The following CBL variants were observed in gnomAD, a reference collection of about 807,000 sequenced individuals.
CBL encodes Cbl proto-oncogene.
A neutral mutation model predicts 96.9 loss-of-function variants in CBL; 45 were observed. That is an observed-to-expected ratio of 0.46 (90% CI 0.37 to 0.60). The LOEUF (loss-of-function observed/expected upper bound fraction) is 0.60, where lower values mean the gene tolerates loss of function less well. Among genes scored for constraint, CBL ranks in the 20% least tolerant of loss-of-function variants. The pLI is 0.00. For missense variants in CBL, 1,024 were observed against 1,143.5 expected (o/e 0.90, Z 1.51); for synonymous variants, 420 against 426.8 (o/e 0.98, Z 0.20).
intron 2 of CBL, among the ~76,000 whole-genome samples, chr11:119,237,929 T>C (rs564010989): frequency 3.9e-5 from 6 of 152,096 alleles, no homozygotes; most frequent in Non-Finnish European, 7.4e-5. Flanking sequence ...TGGAGTGCAG[T>C]GGCGCCATCT....
chr11:119,269,401 A>G (rs1046600266), intron 2 of CBL, among the ~76,000 whole-genome samples: 1 of 152,032 alleles, frequency 6.6e-6, no homozygotes, highest in African/African-American at 2.4e-5. Context: ...TTGTATTTTT[A>G]GTAGAAATGG....
At chr11:119,281,468 C>T (rs569330193) in intron 9 of CBL, among the ~76,000 whole-genome samples, 3 of 149,720 alleles carry the variant, frequency 2.0e-5, no homozygotes, top group Middle Eastern at 3.5e-3. Context: ...CTTTTCAGCG[C>T]TTCCTTTCCC....
intron 1 of CBL, among the ~76,000 whole-genome samples, chr11:119,210,603 A>ATTTT (rs768564444): frequency 2.6e-4 from 26 of 98,634 alleles, no homozygotes; most frequent in African/African-American, 4.3e-4. Flanking sequence ...TAATTTTTCA[A>ATTTT]TTTTTTTTTT....
At chr11:119,264,422 TCTTCTCTTCTCTTCTCTTCTTTCTC>T (rs1225950295) in intron 2 of CBL, among the ~76,000 whole-genome samples, 10 of 123,764 alleles carry the variant, frequency 8.1e-5, no homozygotes, top group African/African-American at 3.2e-4. Context: ...TCTTCTCTTC[TCTTCTCTTCTCTTCTCTTCTTTCTC>T]TTCTCTTCTC....
intron 2 of CBL, among the ~76,000 whole-genome samples, chr11:119,258,884 C>T (rs1348091272): frequency 1.3e-5 from 2 of 152,142 alleles, no homozygotes; most frequent in Admixed American, 6.5e-5. Context: ...GTCATTTTCA[C>T]GATACTGATT....
intron 2 of CBL, among the ~76,000 whole-genome samples, chr11:119,242,791 G>A (rs11217209): frequency 0.2 from 28,925 of 145,252 alleles, 3,545 homozygotes; most frequent in East Asian, 0.39. Context: ...TAAAATAATT[G>A]TTTCTTTTGG....
intron 1 of CBL, among the ~76,000 whole-genome samples, chr11:119,225,467 T>TGGTTCACTGCAGCCTC (rs1949451052): frequency 6.6e-6 from 1 of 152,140 alleles, no homozygotes. Flanking sequence ...GATGCAGTCT[T>TGGTTCACTGCAGCCTC]GGTTCACTGC....
rs1950130462 is a variant in CBL at position 119,305,576 on chromosome 11, C to T, written c.*5795C>T. 1 of 227,198 alleles carries T rather than the reference C, an allele frequency of 4.4e-6. No individual in the cohort carries two copies. 14.1% of individuals were successfully genotyped at this position (227,198 alleles called of 1,614,324 possible). A position where few individuals can be genotyped will look rare whatever the true frequency, so the allele number is the denominator to read the frequency against. On this transcript the variant is annotated 3_prime_UTR_variant, in exon 16 of 16. Transcript: ENST00000264033. Reference sequence around the variant, plus strand: ...TTCTCAGGCAAGCCTTCCTAGGCACCTCAGAAACTACTTTGCCAGAGCCAG... The same window carrying T: ...TTCTCAGGCAAGCCTTCCTAGGCACTTCAGAAACTACTTTGCCAGAGCCAG...
intron 2 of CBL, among the ~76,000 whole-genome samples, chr11:119,252,409 T>C (rs1258534504): frequency 1.3e-5 from 2 of 152,236 alleles, no homozygotes; most frequent in Non-Finnish European, 2.9e-5. Flanking sequence ...CCTCCTGTTC[T>C]TTTACTTCAT....
chr11:119,280,248 A>G (rs1310437676), intron 9 of CBL, among the ~76,000 whole-genome samples: 1 of 152,210 alleles, frequency 6.6e-6, no homozygotes, highest in South Asian at 2.1e-4. Flanking sequence ...GTGTATTTCA[A>G]CTGTGATAGA....
intron 12 of CBL, chr11:119,289,612 A>G (rs1950010666): frequency 6.6e-6 from 1 of 151,196 alleles, no homozygotes; most frequent in Non-Finnish European, 1.5e-5. Flanking sequence ...CATAGAGGCC[A>G]TGATAATCAT....
At chr11:119,234,993 T>C (rs1949532172) in intron 2 of CBL, among the ~76,000 whole-genome samples, 1 of 152,210 alleles carries the variant, frequency 6.6e-6, no homozygotes, top group Non-Finnish European at 1.5e-5. Context: ...GGGAGACAGA[T>C]ACGCTGGAAA....
chr11:119,282,355 A>T (rs1322326802), intron 9 of CBL, among the ~76,000 whole-genome samples: 4 of 151,622 alleles, frequency 2.6e-5, no homozygotes, highest in African/African-American at 7.3e-5. Flanking sequence ...AAAAAAAAAG[A>T]CTATTGCAAG....
intron 12 of CBL, among the ~76,000 whole-genome samples, chr11:119,295,613 C>G (rs1950058065): frequency 6.6e-6 from 1 of 152,030 alleles, no homozygotes; most frequent in Non-Finnish European, 1.5e-5. Flanking sequence ...TCTAGTCCCA[C>G]CTACTGAGGA....
chr11:119,244,896 G>T (rs1206645798), intron 2 of CBL, among the ~76,000 whole-genome samples: 1 of 151,810 alleles, frequency 6.6e-6, no homozygotes, highest in Non-Finnish European at 1.5e-5. Flanking sequence ...ACACAAGACT[G>T]GAGTCCAGTG....
chr11:119,207,167 G>A (rs552336368), intron 1 of CBL, among the ~76,000 whole-genome samples: 1 of 152,204 alleles, frequency 6.6e-6, no homozygotes, highest in East Asian at 1.9e-4. Flanking sequence ...GATGTAACAC[G>A]AAGATAAAAG....
chr11:119,298,580 G>A (rs757732721), intron 15 of CBL, 40 bp downstream of exon 15: 7 of 1,550,872 alleles, frequency 4.5e-6, no homozygotes, highest in Non-Finnish European at 6.2e-6. Context: ...CTGAATGGCA[G>A]TGTGGCCTGT....
chr11:119,217,175 T>C (rs1389191446), intron 1 of CBL, among the ~76,000 whole-genome samples: 2 of 152,216 alleles, frequency 1.3e-5, no homozygotes, highest in African/African-American at 4.8e-5. Flanking sequence ...TGGAGTGCAG[T>C]GGTGCAGTAT....
rs1474916401 is a variant in CBL at position 119,303,254 on chromosome 11, A to G, written c.*3473A>G. On this transcript the variant is annotated 3_prime_UTR_variant, in exon 16 of 16. Coordinates refer to ENST00000264033, the MANE Select transcript of CBL (RefSeq NM_005188.4). ...CGTCATTAAAGTCAGAAGATTATAG[A>G]CCTTCTCAAACTATAAGTCCCTCTT... 4.3e-6 allele frequency: 1 copy of G among 232,364 alleles called. No individual in the cohort carries two copies. The highest frequency in any genetic ancestry group is 2.2e-5 in the African/African-American group (1 of 45,304). The allele number at this position is 232,364 out of a possible 1,614,324, so 14.4% of individuals were successfully genotyped here.
Sources: gnomAD v4.1 joint callset for allele counts (sites outside exome capture counted in the v4.1 genomes callset) on GRCh38, gnomAD v4.1.1 for gene constraint, MANE v1.5 for transcripts, NCBI Gene and HGNC (gene_info 2026-07-23, HGNC 2026-07-21) for gene names.